KIF16B: variants seen among roughly 807,000 people sequenced by gnomAD.
The protein encoded by KIF16B is kinesin-like protein KIF16B.
A neutral mutation model predicts 156.3 loss-of-function variants in KIF16B; 98 were observed. The observed-to-expected ratio is 0.63, with a 90% CI of 0.53 to 0.74. The LOEUF is 0.74. KIF16B is among the 30% of genes least tolerant of loss of function. The probability of loss-of-function intolerance (pLI) is 0.00; values close to 1 mark genes in which losing one functional copy is unlikely to be tolerated. For missense variants in KIF16B, 1,421 were observed against 1,606.5 expected (o/e 0.88, Z 1.97); for synonymous variants, 564 against 583.7 (o/e 0.97, Z 0.49).
At chr20:16,573,190 G>C (rs770260612) in intron 1 of KIF16B, 39 bp downstream of exon 1, 10 of 1,537,128 alleles carry the variant, frequency 6.5e-6, no homozygotes, top group Non-Finnish European at 7.1e-6. Context: ...TCTGGGTGGG[G>C]GCGCGACGAG....
intron 22 of KIF16B, among the ~76,000 whole-genome samples, chr20:16,370,336 T>C (rs1402295190): frequency 6.6e-6 from 1 of 152,196 alleles, no homozygotes; most frequent in African/African-American, 2.4e-5. Context: ...AGGGAAAATA[T>C]ACTATTACAA....
chr20:16,458,919 A>C (rs965021423), intron 12 of KIF16B, among the ~76,000 whole-genome samples: 1 of 152,180 alleles, frequency 6.6e-6, no homozygotes, highest in Non-Finnish European at 1.5e-5. Flanking sequence ...TCTTATTCTA[A>C]AAGGCATTTT....
At chr20:16,526,326 A>T (rs6044072) in intron 2 of KIF16B, 121 bp from the exon 3 acceptor site, 55,156 of 449,848 alleles carry the variant, frequency 0.12, 4,076 homozygotes, top group East Asian at 0.29. Flanking sequence ...CTAAAAAAAT[A>T]AATAAATAAA....
intron 16 of KIF16B, among the ~76,000 whole-genome samples, 176 bp from the exon 17 acceptor site, chr20:16,405,077 A>G (rs529175173): frequency 6.6e-6 from 1 of 152,304 alleles, no homozygotes; most frequent in South Asian, 2.1e-4. Context: ...AGGCCCTGAT[A>G]CATTTCAAAC....
chr20:16,438,872 T>C (rs1235617325), intron 12 of KIF16B, among the ~76,000 whole-genome samples: 1 of 152,222 alleles, frequency 6.6e-6, no homozygotes, highest in East Asian at 1.9e-4. Context: ...ATTAGTAATA[T>C]GTAATCCTTC....
At chr20:16,354,068 T>C (rs896472924) in intron 23 of KIF16B, among the ~76,000 whole-genome samples, 2 of 152,208 alleles carry the variant, frequency 1.3e-5, no homozygotes, top group African/African-American at 4.8e-5. Flanking sequence ...TAAGGCCTCA[T>C]AGAATTTTCT....
rs767572801 is a variant in KIF16B, at chr20:16,573,202, G to C, written c.47+27C>G. 3 of 1,565,690 alleles carry C rather than the reference G, an allele frequency of 1.9e-6. No individual in the cohort carries two copies. In the African/African-American group the frequency reaches 4.1e-5, roughly 21 times the overall value. On this transcript the variant is annotated intron_variant, in intron 1 of 25. Transcript: ENST00000354981. ...TCCTCTGGGTGGGGGCGCGACGAGG[G>C]GGCGGGGCGCGGGCGGCCCCACTCA...
At chr20:16,536,280 T>C (rs1469139264) in intron 1 of KIF16B, among the ~76,000 whole-genome samples, 2 of 151,622 alleles carry the variant, frequency 1.3e-5, no homozygotes, top group Admixed American at 6.6e-5. Context: ...ATGTGGGAGA[T>C]TAAAAAATGG....
intron 3 of KIF16B, among the ~76,000 whole-genome samples, chr20:16,525,282 C>T (rs531946421): frequency 8.5e-5 from 13 of 152,230 alleles, no homozygotes; most frequent in Admixed American, 2.6e-4. Context: ...TTCTTATCCC[C>T]GTTTTAACAT....
chr20:16,438,526 T>C (rs2066709016), intron 12 of KIF16B, among the ~76,000 whole-genome samples: 3 of 152,338 alleles, frequency 2.0e-5, no homozygotes, highest in Admixed American at 6.5e-5. Flanking sequence ...AGGCAACCAC[T>C]GGAGGGCTTA....
chr20:16,276,698 C>A (rs1459387533), intron 25 of KIF16B, among the ~76,000 whole-genome samples: 1 of 151,854 alleles, frequency 6.6e-6, no homozygotes, highest in South Asian at 2.1e-4. Flanking sequence ...GAAAAAAAAA[C>A]AAGGGACTGG....
At chr20:16,479,382 A>G (rs1453541352) in intron 12 of KIF16B, among the ~76,000 whole-genome samples, 1 of 152,128 alleles carries the variant, frequency 6.6e-6, no homozygotes. Context: ...AGGGGGAGGG[A>G]GAGCATCAGG....
At chr20:16,409,775 G>A (rs542132782) in intron 15 of KIF16B, among the ~76,000 whole-genome samples, 1 of 151,618 alleles carries the variant, frequency 6.6e-6, no homozygotes, top group South Asian at 2.1e-4. Flanking sequence ...TGAATGGGGA[G>A]TCTTCTGCAC....
At chr20:16,352,607 A>T (rs546143215) in intron 23 of KIF16B, among the ~76,000 whole-genome samples, 4 of 152,196 alleles carry the variant, frequency 2.6e-5, no homozygotes, top group Non-Finnish European at 5.9e-5. Context: ...TTCACGTGGC[A>T]ATGGGCAGAC....
At chr20:16,321,777 A>T (rs2063776392) in intron 24 of KIF16B, among the ~76,000 whole-genome samples, 1 of 152,084 alleles carries the variant, frequency 6.6e-6, no homozygotes, top group African/African-American at 2.4e-5. Context: ...GAAAAAGGAC[A>T]GACACAAACA....
At chr20:16,387,846 C>G (rs2065265333) in intron 17 of KIF16B, among the ~76,000 whole-genome samples, 1 of 151,900 alleles carries the variant, frequency 6.6e-6, no homozygotes, top group Non-Finnish European at 1.5e-5. Flanking sequence ...TCAGGCGAAG[C>G]CTTCACTTTA....
intron 12 of KIF16B, among the ~76,000 whole-genome samples, chr20:16,454,619 A>T (rs1174491573): frequency 1.8e-4 from 27 of 152,076 alleles, no homozygotes; most frequent in Non-Finnish European, 4.4e-5. Context: ...AAAATTACTT[A>T]ATAAAGTTTA....
intron 1 of KIF16B, among the ~76,000 whole-genome samples, chr20:16,543,820 A>G (rs994665366): frequency 6.6e-6 from 1 of 152,178 alleles, no homozygotes; most frequent in Non-Finnish European, 1.5e-5. Flanking sequence ...ATCACCTCAC[A>G]TGTAAAGAAA....
At chr20:16,470,510 G>T (rs2067631197) in intron 12 of KIF16B, among the ~76,000 whole-genome samples, 1 of 151,950 alleles carries the variant, frequency 6.6e-6, no homozygotes, top group Admixed American at 6.6e-5. Flanking sequence ...TTGAGACAGG[G>T]TCTCACTCCA....
Sources: allele counts gnomAD v4.1 joint callset (sites outside exome capture counted in the v4.1 genomes callset), GRCh38; gene constraint gnomAD v4.1.1; transcripts MANE v1.5; gene names NCBI Gene and HGNC (gene_info 2026-07-23, HGNC 2026-07-21).